The following FRMPD2 variants were observed in gnomAD, a reference collection of about 807,000 sequenced individuals.
The protein encoded by FRMPD2 is FERM and PDZ domain-containing protein 2.
Under a neutral mutation model 140.1 loss-of-function variants are expected in FRMPD2, and 96 were observed. The observed-to-expected ratio is 0.69, with a 90% CI of 0.58 to 0.81. The LOEUF (loss-of-function observed/expected upper bound fraction) is 0.81, where lower values mean the gene tolerates loss of function less well. FRMPD2 is among the 40% of genes least tolerant of loss of function. The pLI is 0.00. For synonymous variants in FRMPD2, 449 were observed against 547.6 expected (o/e 0.82, Z 2.52); for missense variants, 1,240 against 1,447.4 (o/e 0.86, Z 2.32).
intron 20 of FRMPD2, 39 bp downstream of exon 20, chr10:48,184,527 G>A (rs755070633): frequency 1.6e-6 from 2 of 1,256,884 alleles, no homozygotes; most frequent in Non-Finnish European, 2.3e-6. Flanking sequence ...CTGAAAACAG[G>A]GGAGCCTCTT....
chr10:48,215,099 T>C (rs1475281086), intron 12 of FRMPD2, among the ~76,000 whole-genome samples: 1 of 152,254 alleles, frequency 6.6e-6, no homozygotes, highest in African/African-American at 2.4e-5. Context: ...AATGTAATCA[T>C]GTTGCTTCCC....
At chr10:48,253,277 C>T (rs1281294376) in intron 1 of FRMPD2, among the ~76,000 whole-genome samples, 1 of 152,180 alleles carries the variant, frequency 6.6e-6, no homozygotes, top group Non-Finnish European at 1.5e-5. Flanking sequence ...GGTCCTAAAC[C>T]TTGCACCTTA....
At chr10:48,267,601 G>T (rs937207835) in intron 1 of FRMPD2, among the ~76,000 whole-genome samples, 8 of 152,182 alleles carry the variant, frequency 5.3e-5, no homozygotes, top group Non-Finnish European at 1.2e-4. Flanking sequence ...TGGAATACAT[G>T]AAGAACTCCT....
Position 48,272,229 on chromosome 10 carries a change from C to G in FRMPD2, c.25+2314G>C, listed in dbSNP as rs1416229334. ...CCTTCGTGCCCCCTTCATTTGCACC[C>G]ATGAGTCATTTTCTCACCACTCTGT... is the stretch of plus-strand genomic sequence containing the variant. On this transcript the variant is annotated intron_variant, in intron 1 of 28. Coordinates refer to ENST00000374201, the MANE Select transcript of FRMPD2 (RefSeq NM_001018071.4). 2.6e-5 allele frequency among the ~76,000 whole-genome samples: 4 copies of G among 152,188 alleles called. No homozygotes were observed. The East Asian group carries it at 7.7e-4, about 29-fold the overall frequency.
At chr10:48,177,784 C>A (rs1280594568) in intron 22 of FRMPD2, 2 of 302,468 alleles carry the variant, frequency 6.6e-6, no homozygotes, top group Non-Finnish European at 1.3e-5. Context: ...AGAGTCAGGA[C>A]ACATCAGCCA....
intron 12 of FRMPD2, 97 bp downstream of exon 12, chr10:48,222,216 T>C: frequency 8.0e-7 from 1 of 1,251,402 alleles, no homozygotes; most frequent in African/African-American, 1.5e-5. Context: ...ATGCTAACAA[T>C]ACTCAAAGCA....
intron 20 of FRMPD2, among the ~76,000 whole-genome samples, chr10:48,181,434 A>G (rs1588809944): frequency 2.0e-5 from 3 of 152,140 alleles, no homozygotes; most frequent in Admixed American, 1.3e-4. Flanking sequence ...CCCAAATGCT[A>G]CAGCCAGCAT....
At chr10:48,267,717 T>C (rs111842540) in intron 1 of FRMPD2, among the ~76,000 whole-genome samples, 4 of 152,328 alleles carry the variant, frequency 2.6e-5, no homozygotes, top group African/African-American at 7.2e-5. Context: ...CAACATTATT[T>C]ATAACCAAAA....
intron 1 of FRMPD2, among the ~76,000 whole-genome samples, chr10:48,272,515 T>C (rs757098424): frequency 9.2e-5 from 14 of 152,372 alleles, no homozygotes; most frequent in Non-Finnish European, 1.9e-4. Flanking sequence ...ATTTCTATGA[T>C]GGAAATACTG....
At chr10:48,268,150 AT>A (rs1840709758) in intron 1 of FRMPD2, among the ~76,000 whole-genome samples, 1 of 152,212 alleles carries the variant, frequency 6.6e-6, no homozygotes, top group Non-Finnish European at 1.5e-5. Flanking sequence ...ATCACTGGCC[AT>A]AAGGGGAAGG....
chr10:48,193,844 C>A (rs187934048), intron 15 of FRMPD2, among the ~76,000 whole-genome samples: 8 of 152,096 alleles, frequency 5.3e-5, no homozygotes, highest in African/African-American at 1.9e-4. Flanking sequence ...CAAACAGACC[C>A]CCCTCTCTTC....
intron 1 of FRMPD2, among the ~76,000 whole-genome samples, chr10:48,263,087 C>A (rs1425289817): frequency 6.6e-6 from 1 of 151,678 alleles, no homozygotes; most frequent in Non-Finnish European, 1.5e-5. Flanking sequence ...AAGGAAATCT[C>A]AAGATAAAAT....
chr10:48,252,593 GAC>G (rs909717124), intron 1 of FRMPD2, among the ~76,000 whole-genome samples: 4 of 152,130 alleles, frequency 2.6e-5, no homozygotes, highest in African/African-American at 9.7e-5. Context: ...GCTCCCTGCA[GAC>G]ACCTCTGCTA....
At chr10:48,200,528 G>T (rs1839061288) in intron 15 of FRMPD2, among the ~76,000 whole-genome samples, 1 of 152,118 alleles carries the variant, frequency 6.6e-6, no homozygotes, top group African/African-American at 2.4e-5. Context: ...GTGCCTTCTG[G>T]GTTTGCAGAC....
intron 14 of FRMPD2, among the ~76,000 whole-genome samples, chr10:48,206,290 C>A (rs749001891): frequency 5.9e-5 from 9 of 152,204 alleles, no homozygotes; most frequent in Non-Finnish European, 1.0e-4. Flanking sequence ...TCCTCAGAGA[C>A]AGACCAGAGG....
rs116082040 is a variant in FRMPD2 at position 48,232,151 on chromosome 10, C to T, written c.1132G>A (p.Glu378Lys). Residue 378 changes from glutamate (E) to lysine (K), a missense_variant, in exon 10 of 29, where the codon GAG (glutamate) becomes AAG (lysine). Physicochemically the swap from Glu to Lys is moderately conservative, Grantham distance 56 (BLOSUM62 1). This residue lies in a region of FRMPD2 where 1,161 missense variants were observed against 1,055.9 expected (regional missense o/e 1.10). Transcript: ENST00000374201. ...FNAVTSFANL[E>K]ELTYFGLAYM... ...GCCAAGCCAAAGTAGGTGAGTTCCT[C>T]GAGGTTGGCAAAGGATGTCACGGCA... 478 of 1,614,174 alleles carry T rather than the reference C, an allele frequency of 3.0e-4. 7 individuals are homozygous for T. The East Asian group carries it at 9.1e-3, about 31-fold the overall frequency.
At chr10:48,228,068 GA>G (rs1240561390) in intron 10 of FRMPD2, among the ~76,000 whole-genome samples, 1 of 152,006 alleles carries the variant, frequency 6.6e-6, no homozygotes, top group Non-Finnish European at 1.5e-5. Context: ...ATGTGACAAT[GA>G]AAAAAGAGAG....
chr10:48,199,661 TC>T (rs1839035785), intron 15 of FRMPD2: 1 of 152,216 alleles, frequency 6.6e-6, no homozygotes, highest in African/African-American at 2.4e-5. Flanking sequence ...CTCTGCCTCT[TC>T]CGTAATCTGG....
intron 12 of FRMPD2, among the ~76,000 whole-genome samples, chr10:48,217,101 A>G (rs1190652022): frequency 6.6e-6 from 1 of 152,164 alleles, no homozygotes; most frequent in Admixed American, 6.5e-5. Context: ...AGGAGAGGGG[A>G]CAGAGGGGAA....
Sources: allele counts gnomAD v4.1 joint callset (sites outside exome capture counted in the v4.1 genomes callset), GRCh38; gene constraint gnomAD v4.1.1; regional missense constraint gnomAD v4.1.1; transcripts MANE v1.5; gene names NCBI Gene and HGNC (gene_info 2026-07-23, HGNC 2026-07-21).